Variants in RALB observed in about 807,000 individuals in gnomAD.
RALB encodes RAS like proto-oncogene B.
Under a neutral mutation model 21.3 loss-of-function variants are expected in RALB, and 16 were observed. The ratio of observed to expected loss-of-function variants is 0.75; its 90% CI spans 0.51 to 1.14. The LOEUF (loss-of-function observed/expected upper bound fraction) is 1.14. Among genes scored for constraint, RALB ranks in the 50% most tolerant of loss-of-function variants. The pLI is 0.00. For missense variants in RALB, 161 were observed against 256.2 expected, an observed-to-expected ratio of 0.63 and a Z score of 2.54; for synonymous variants, 93 against 96.1, an observed-to-expected ratio of 0.97 and a Z score of 0.19.
upstream of RALB, among the ~76,000 whole-genome samples, chr2:120,248,340 G>A (rs1689003462): frequency 6.6e-6 from 1 of 152,104 alleles, no homozygotes; most frequent in African/African-American, 2.4e-5. Flanking sequence ...CTGATGTTCT[G>A]GGAAATCCAT....
chr2:120,285,521 TAACA>T (rs769330826), intron 2 of RALB, among the ~76,000 whole-genome samples: 6 of 152,148 alleles, frequency 3.9e-5, no homozygotes, highest in Non-Finnish European at 8.8e-5. Context: ...TATACATGTG[TAACA>T]AACCTGCACA....
upstream of RALB, among the ~76,000 whole-genome samples, chr2:120,248,693 T>G (rs1162831660): frequency 6.6e-6 from 1 of 152,226 alleles, no homozygotes; most frequent in African/African-American, 2.4e-5. Flanking sequence ...TGCTGTGTCG[T>G]CCAGGCTAGG....
intron 3 of RALB, among the ~76,000 whole-genome samples, chr2:120,288,585 G>A (rs544594352): frequency 6.6e-6 from 1 of 151,782 alleles, no homozygotes; most frequent in South Asian, 2.1e-4. Context: ...AGAATGTATT[G>A]GCATATAAAA....
chr2:120,253,713 A>C, intron 1 of RALB: 1 of 985,376 alleles, frequency 1.0e-6, no homozygotes, highest in Non-Finnish European at 1.2e-6. Context: ...AAACGTTGGA[A>C]CTTTGGTGTT....
chr2:120,269,188 T>TA (rs1490025753), intron 1 of RALB, among the ~76,000 whole-genome samples: 2 of 152,206 alleles, frequency 1.3e-5, no homozygotes, highest in African/African-American at 4.8e-5. Context: ...GTGGTGAGTG[T>TA]TACAGCTCTT....
chr2:120,283,080 TG>T (rs1051944593), intron 2 of RALB, among the ~76,000 whole-genome samples: 33 of 151,660 alleles, frequency 2.2e-4, no homozygotes, highest in African/African-American at 6.8e-4. Context: ...ACTCTTTCAG[TG>T]GTGCTCTTCT....
intron 4 of RALB, among the ~76,000 whole-genome samples, chr2:120,290,632 C>CTTT (rs34133052): frequency 0.079 from 11,758 of 148,372 alleles, 594 homozygotes; most frequent in Non-Finnish European, 0.11. Flanking sequence ...TCTGGGATCT[C>CTTT]TTTTTTTTTT....
In RALB at chr2:120,294,650, C is replaced by T. The variant is rs933723275; in HGVS notation, c.*1390C>T. ...AATTATGATCTGACTGGAAAACAAT[C>T]CTGTATCCCCTCCCAAAGAATCATG... On this transcript the variant is annotated 3_prime_UTR_variant, in exon 5 of 5. Coordinates refer to ENST00000272519, the MANE Select transcript of RALB (RefSeq NM_002881.3). 1 of 167,410 alleles carries T rather than the reference C, an allele frequency of 6.0e-6. No homozygotes were observed. Among genetic ancestry groups the T allele is most frequent in the African/African-American group, 2.4e-5 (1 of 42,168 alleles). The allele number at this position is 167,410 out of a possible 1,614,324, so 10.4% of individuals were successfully genotyped here.
chr2:120,289,763 C>T lies in RALB; in HGVS notation c.501+6C>T, dbSNP rs200787153. 447 of 1,591,340 alleles carry T rather than the reference C, an allele frequency of 2.8e-4. No homozygotes were observed. Among genetic ancestry groups the T allele is most frequent in the Non-Finnish European group, 3.2e-4 (370 of 1,167,080 alleles). ...CCCGGGCCAACGTGGACAAGGTAGG[C>T]GTGAATTCTGTGTATTTCTCAGAAA... On this transcript the variant is annotated splice_donor_region_variant and intron_variant, in intron 4 of 4. Transcript: ENST00000272519.
chr2:120,261,083 A>G (rs778934072), intron 1 of RALB, among the ~76,000 whole-genome samples: 3 of 152,198 alleles, frequency 2.0e-5, no homozygotes, highest in Admixed American at 6.5e-5. Context: ...CAGGTAAACT[A>G]TGCATTAAAG....
intron 2 of RALB, among the ~76,000 whole-genome samples, chr2:120,282,647 A>G (rs1690020084): frequency 6.6e-6 from 1 of 152,138 alleles, no homozygotes; most frequent in Non-Finnish European, 1.5e-5. Context: ...TTCTCTTCAC[A>G]GAGACCAGGG....
At chr2:120,252,093 G>A (rs1472000825), upstream of RALB, among the ~76,000 whole-genome samples, 1 of 152,166 alleles carries the variant, frequency 6.6e-6, no homozygotes, top group Non-Finnish European at 1.5e-5. Flanking sequence ...TGACTCTCAT[G>A]AGGTCTGCGT....
chr2:120,249,018 T>C (rs1329082573), upstream of RALB, among the ~76,000 whole-genome samples: 1 of 148,760 alleles, frequency 6.7e-6, no homozygotes, highest in African/African-American at 2.5e-5. Context: ...GCCTCCTGTT[T>C]GAACCTTGTG....
At chr2:120,261,046 T>C (rs1006556547) in intron 1 of RALB, among the ~76,000 whole-genome samples, 3 of 152,186 alleles carry the variant, frequency 2.0e-5, no homozygotes, top group African/African-American at 7.2e-5. Flanking sequence ...ACCTACTGAA[T>C]CAGAATATGC....
Position 120,293,331 on chromosome 2 carries a change from G to T in RALB, c.*71G>T. The T allele has an allele frequency of 1.4e-6, 2 of 1,439,986 alleles. No homozygotes were observed. Among genetic ancestry groups the T allele is most frequent in the Non-Finnish European group, 1.8e-6 (2 of 1,086,966 alleles). The allele number at this position is 1,439,986 out of a possible 1,614,324, so 89.2% of individuals were successfully genotyped here. ...CTGGGTTGGTAAAGAGAAGGCTATG[G>T]TTGACTTCTTGCTTGTGCTTCCCAC... On this transcript the variant is annotated 3_prime_UTR_variant, in exon 5 of 5. Coordinates refer to ENST00000272519, the MANE Select transcript of RALB (RefSeq NM_002881.3).
intron 1 of RALB, among the ~76,000 whole-genome samples, chr2:120,245,674 G>C (rs962829470): frequency 6.6e-6 from 1 of 152,144 alleles, no homozygotes; most frequent in Non-Finnish European, 1.5e-5. Flanking sequence ...TGAGTGCCAA[G>C]GCTGGATTTA....
intron 3 of RALB, among the ~76,000 whole-genome samples, chr2:120,288,279 C>A (rs1442443258): frequency 7.0e-6 from 1 of 143,636 alleles, no homozygotes; most frequent in Admixed American, 6.9e-5. Context: ...ATCTTTTCAT[C>A]TTTTTTAGTT....
rs554854831 is a variant in RALB, at chr2:120,294,008, A to C, written c.*748A>C. 7.5e-6 allele frequency: 3 copies of C among 397,490 alleles called. No homozygotes were observed. Among genetic ancestry groups the C allele is most frequent in the South Asian group, 1.4e-4 (1 of 7,038 alleles). 24.6% of individuals were successfully genotyped at this position (397,490 alleles called of 1,614,324 possible). ...AAGTGAAGACTCAGGAATGGTGTGC[A>C]TTATAAATGACACACATTGCCACTT... On this transcript the variant is annotated 3_prime_UTR_variant, in exon 5 of 5. Transcript: ENST00000272519.
In RALB at chr2:120,240,274, C is replaced by CTTTT. The variant is rs1371241309; in HGVS notation, c.19+152_19+155dup. On this transcript the variant is annotated intron_variant, in intron 1 of 3. Transcript: ENST00000447591. ...ACAGCATGTACTCATGGAGCTGCTA[C>CTTTT]TTTTTTATTTTTATTTTTATTTTTT... 3 of 525,388 alleles carry CTTTT rather than the reference C, an allele frequency of 5.7e-6. No individual in the cohort carries two copies. In the African/African-American group the frequency reaches 7.6e-5, roughly 13 times the overall value. The allele number at this position is 525,388 out of a possible 1,614,324, so 32.5% of individuals were successfully genotyped here.
Sources: gnomAD v4.1 joint callset for allele counts (sites outside exome capture counted in the v4.1 genomes callset) on GRCh38, gnomAD v4.1.1 for gene constraint, MANE v1.5 for transcripts, NCBI Gene and HGNC (gene_info 2026-07-23, HGNC 2026-07-21) for gene names.